The following KCNH1 variants were observed in gnomAD, a reference collection of about 807,000 sequenced individuals.
KCNH1 encodes voltage-gated delayed rectifier potassium channel KCNH1.
A neutral mutation model predicts 69.2 loss-of-function variants in KCNH1; 27 were observed. The ratio of observed to expected loss-of-function variants is 0.39; its 90% CI spans 0.29 to 0.54. KCNH1 has a LOEUF of 0.54. Ranked by LOEUF, KCNH1 falls within the 20% of genes least tolerant of loss-of-function variation. The probability of loss-of-function intolerance (pLI) is 0.68; values close to 1 mark genes in which losing one functional copy is unlikely to be tolerated. For missense variants in KCNH1, 798 were observed against 1,261.6 expected, an observed-to-expected ratio of 0.63 and a Z score of 5.57; for synonymous variants, 456 against 487.7, an observed-to-expected ratio of 0.93 and a Z score of 0.86.
chr1:211,064,216 C>A (rs1337501591), intron 5 of KCNH1, among the ~76,000 whole-genome samples: 1 of 152,032 alleles, frequency 6.6e-6, no homozygotes, highest in African/African-American at 2.4e-5. Flanking sequence ...ATGAAGGAGA[C>A]AAATGCTCTT....
intron 6 of KCNH1, among the ~76,000 whole-genome samples, chr1:210,952,170 T>C (rs1688075722): frequency 6.6e-6 from 1 of 152,188 alleles, no homozygotes; most frequent in African/African-American, 2.4e-5. Flanking sequence ...TAAGGAATTG[T>C]CACTTCACAG....
intron 5 of KCNH1, among the ~76,000 whole-genome samples, chr1:211,036,492 G>C (rs1689901258): frequency 6.6e-6 from 1 of 152,168 alleles, no homozygotes; most frequent in Non-Finnish European, 1.5e-5. Flanking sequence ...TCCACCCTCA[G>C]CACAAAAAGC....
At chr1:211,002,338 G>GTATATATA (rs112118983) in intron 6 of KCNH1, among the ~76,000 whole-genome samples, 1 of 87,820 alleles carries the variant, frequency 1.1e-5, no homozygotes, top group Non-Finnish European at 2.3e-5. Flanking sequence ...GTGTGTGTGT[G>GTATATATA]TATATATATA....
chr1:210,769,721 G>C (rs1683714791), intron 10 of KCNH1, among the ~76,000 whole-genome samples: 1 of 152,142 alleles, frequency 6.6e-6, no homozygotes, highest in Non-Finnish European at 1.5e-5. Context: ...TGCTTCTACT[G>C]TCCTAATGAT....
chr1:210,924,919 T>A (rs1187154381), intron 6 of KCNH1, among the ~76,000 whole-genome samples: 4 of 146,358 alleles, frequency 2.7e-5, no homozygotes, highest in South Asian at 2.2e-4. Context: ...AAAAAAAAAA[T>A]TTGGAGACTA....
At chr1:210,760,299 C>A (rs1683490293) in intron 10 of KCNH1, among the ~76,000 whole-genome samples, 1 of 152,086 alleles carries the variant, frequency 6.6e-6, no homozygotes, top group South Asian at 2.1e-4. Flanking sequence ...TATAATATGA[C>A]CCTTTCATAG....
At chr1:211,080,367 C>A (rs1179212516) in intron 5 of KCNH1, among the ~76,000 whole-genome samples, 1 of 152,140 alleles carries the variant, frequency 6.6e-6, no homozygotes, top group Non-Finnish European at 1.5e-5. Flanking sequence ...TAGGAAGAAG[C>A]AATATCATGA....
At chr1:210,930,392 G>T (rs916106775) in intron 6 of KCNH1, among the ~76,000 whole-genome samples, 8 of 152,076 alleles carry the variant, frequency 5.3e-5, no homozygotes, top group African/African-American at 1.9e-4. Flanking sequence ...AATACTTACA[G>T]CCAACTGATT....
intron 7 of KCNH1, among the ~76,000 whole-genome samples, chr1:210,836,151 A>AT (rs1685277513): frequency 6.6e-6 from 1 of 150,384 alleles, no homozygotes; most frequent in Non-Finnish European, 1.5e-5. Context: ...ATTGGGCTTC[A>AT]TGTAACCTTT....
chr1:210,856,104 A>G (rs748818018), intron 7 of KCNH1, among the ~76,000 whole-genome samples: 2 of 152,178 alleles, frequency 1.3e-5, no homozygotes, highest in Non-Finnish European at 2.9e-5. Flanking sequence ...AGCCTGTTAT[A>G]GAAAAAGAGT....
At chr1:210,942,068 A>C (rs1249596980) in intron 6 of KCNH1, among the ~76,000 whole-genome samples, 1 of 152,250 alleles carries the variant, frequency 6.6e-6, no homozygotes, top group Non-Finnish European at 1.5e-5. Context: ...AGATTTGTAA[A>C]GAAAATTATG....
chr1:210,996,420 G>T (rs565901823), intron 6 of KCNH1, among the ~76,000 whole-genome samples: 17 of 152,340 alleles, frequency 1.1e-4, no homozygotes, highest in African/African-American at 3.4e-4. Context: ...CTGCAAGGTG[G>T]CAGCGAGGCT....
At chr1:210,861,640 GCATAGAGTATATACTGAACAAGAT>G (rs1187132808) in intron 7 of KCNH1, 3 of 770,778 alleles carry the variant, frequency 3.9e-6, no homozygotes, top group Non-Finnish European at 7.3e-6. Context: ...CTGAACAAGA[GCATAGAGTATATACTGAACAAGAT>G]CATAGAAGAT....
At chr1:211,002,021 G>T (rs1022357039) in intron 6 of KCNH1, among the ~76,000 whole-genome samples, 2 of 151,592 alleles carry the variant, frequency 1.3e-5, no homozygotes, top group African/African-American at 4.9e-5. Context: ...GTGGGGTGGG[G>T]GGAGTGGGGG....
chr1:210,930,070 T>C (rs1687651614), intron 6 of KCNH1, among the ~76,000 whole-genome samples: 1 of 152,204 alleles, frequency 6.6e-6, no homozygotes, highest in Non-Finnish European at 1.5e-5. Context: ...TGCTCATGGA[T>C]GGGTAGAACC....
At chr1:210,740,092 C>G (rs914996192) in intron 10 of KCNH1, among the ~76,000 whole-genome samples, 2 of 152,058 alleles carry the variant, frequency 1.3e-5, no homozygotes, top group Non-Finnish European at 2.9e-5. Context: ...TTCCTGGAAA[C>G]CTACTCAGGG....
intron 7 of KCNH1, among the ~76,000 whole-genome samples, chr1:210,882,418 T>C (rs1461858151): frequency 1.3e-5 from 2 of 152,036 alleles, no homozygotes; most frequent in Admixed American, 6.6e-5. Flanking sequence ...GAAAGTCAGC[T>C]CTAGATAGAA....
chr1:210,890,895 G>A (rs1022516549), intron 7 of KCNH1, among the ~76,000 whole-genome samples: 3 of 152,086 alleles, frequency 2.0e-5, no homozygotes, highest in African/African-American at 7.2e-5. Context: ...GAAACAACAG[G>A]TGCTGGAGAG....
chr1:210,736,069 A>G (rs1435924748), intron 10 of KCNH1, among the ~76,000 whole-genome samples: 4 of 151,850 alleles, frequency 2.6e-5, no homozygotes. Context: ...GGGTCTCATT[A>G]AGTTGCCCAC....
Sources: allele counts gnomAD v4.1 joint callset (sites outside exome capture counted in the v4.1 genomes callset), GRCh38; gene constraint gnomAD v4.1.1; transcripts MANE v1.5; gene names NCBI Gene and HGNC (gene_info 2026-07-23, HGNC 2026-07-21).